The following IL3RA variants were observed in gnomAD, a reference collection of about 807,000 sequenced individuals.
IL3RA encodes the protein interleukin-3 receptor subunit alpha.
A neutral mutation model predicts 52.3 loss-of-function variants in IL3RA; 73 were observed. That is an observed-to-expected ratio of 1.40 (90% CI 1.16 to 1.70). IL3RA has a LOEUF of 1.70. Ranked by LOEUF, IL3RA falls within the 40% of genes most tolerant of loss-of-function variation. IL3RA has a pLI of 0.00. For synonymous variants in IL3RA, 260 were observed against 194.0 expected, an observed-to-expected ratio of 1.34 and a Z score of -2.83; for missense variants, 664 against 504.4, an observed-to-expected ratio of 1.32 and a Z score of -3.03.
chrX:1,340,746 G>A (rs780088662), intron 1 of IL3RA, among the ~76,000 whole-genome samples: 11 of 152,240 alleles, frequency 7.2e-5, no homozygotes, highest in Non-Finnish European at 1.0e-4. Context: ...AGCACTTGGC[G>A]AGGAAAAGGC....
At chrX:1,363,119 C>G (rs1337642177) in intron 8 of IL3RA, among the ~76,000 whole-genome samples, 3 of 137,704 alleles carry the variant, frequency 2.2e-5, no homozygotes, top group East Asian at 3.9e-4. Flanking sequence ...GCATTTAGGG[C>G]CCCCCCTGAT....
At chrX:1,344,357 C>T (rs1296703867) in intron 2 of IL3RA, among the ~76,000 whole-genome samples, 1 of 151,880 alleles carries the variant, frequency 6.6e-6, no homozygotes, top group African/African-American at 2.4e-5. Context: ...TCGCTTGAAC[C>T]CGGGAGGCGG....
intron 4 of IL3RA, among the ~76,000 whole-genome samples, chrX:1,349,851 C>T (rs1209583643): frequency 6.7e-6 from 1 of 149,758 alleles, no homozygotes; most frequent in Admixed American, 6.7e-5. Flanking sequence ...TAAGTAGAGA[C>T]GGGGCTTCAC....
chrX:1,358,165 G>C (rs1290504207), intron 7 of IL3RA, among the ~76,000 whole-genome samples: 4 of 152,138 alleles, frequency 2.6e-5, no homozygotes, highest in African/African-American at 9.6e-5. Context: ...ACTGATTTGA[G>C]GGAGCAGGCA....
At chrX:1,354,152 A>T (rs2086428895) in intron 6 of IL3RA, among the ~76,000 whole-genome samples, 1 of 151,678 alleles carries the variant, frequency 6.6e-6, no homozygotes, top group Non-Finnish European at 1.5e-5. Context: ...ATCATGGGTC[A>T]TGGGTCCCAT....
chrX:1,355,477 A>AGGAGGGGGAGGAGGG (rs1569523234), intron 6 of IL3RA, among the ~76,000 whole-genome samples: 3 of 68,216 alleles, frequency 4.4e-5, no homozygotes, highest in Non-Finnish European at 6.2e-5. Context: ...GGGGAGGAGG[A>AGGAGGGGGAGGAGGG]GGAGGGGGCC....
chrX:1,356,384 T>G (rs1296332341), intron 7 of IL3RA, 48 bp downstream of exon 7: 1 of 1,106,544 alleles, frequency 9.0e-7, no homozygotes, highest in Admixed American at 2.5e-5. Context: ...TGGACATCCC[T>G]TATTTTTGGT....
Position 1,382,667 on chromosome X carries a change from G to A in IL3RA, c.*202G>A. On this transcript the variant is annotated 3_prime_UTR_variant, in exon 12 of 12. Transcript: ENST00000331035. ...CTTTGTGTGTTTATTTCATGATAAA[G>A]TGATTTTTTTTTTTTTAACCCACTC... The A allele has an allele frequency of 1.8e-6, 1 of 555,624 alleles. No individual in the cohort carries two copies. Among genetic ancestry groups the A allele is most frequent in the Non-Finnish European group, 3.2e-6 (1 of 311,242 alleles). 34.4% of individuals were successfully genotyped at this position (555,624 alleles called of 1,614,324 possible). A position where few individuals can be genotyped will look rare whatever the true frequency, so the allele number is the denominator to read the frequency against.
chrX:1,360,905 G>C (rs868085313), intron 8 of IL3RA, among the ~76,000 whole-genome samples: 264 of 67,778 alleles, frequency 3.9e-3, no homozygotes, highest in African/African-American at 0.026. Context: ...TCCCCTCTCT[G>C]TCTCTCTCTC....
chrX:1,374,125 A>T (rs1280837561), intron 9 of IL3RA, among the ~76,000 whole-genome samples: 1 of 48,762 alleles, frequency 2.1e-5, no homozygotes, highest in East Asian at 4.3e-4. Context: ...AGGAGGAACC[A>T]GCACTGCCCA....
chrX:1,382,566 G>A lies in IL3RA; in HGVS notation c.*101G>A. 1 of 1,097,496 alleles carries A rather than the reference G, an allele frequency of 9.1e-7. No homozygotes were observed. Among genetic ancestry groups the A allele is most frequent in the Non-Finnish European group, 1.4e-6 (1 of 711,712 alleles). The allele number at this position is 1,097,496 out of a possible 1,614,324, so 68.0% of individuals were successfully genotyped here. ...GGACCTGCGCACGCAGCCCAGGAAT[G>A]GACATTCCTAACGGGTGGTGGGCAT... is the stretch of plus-strand genomic sequence containing the variant. On this transcript the variant is annotated 3_prime_UTR_variant, in exon 12 of 12. Transcript: ENST00000331035.
chrX:1,359,496 CTATCTCCCTCCCCCTCTCTG>C (rs1269143289), intron 8 of IL3RA, among the ~76,000 whole-genome samples: 1 of 140,778 alleles, frequency 7.1e-6, no homozygotes, highest in African/African-American at 2.7e-5. Flanking sequence ...TCTCTCGTCT[CTATCTCCCTCCCCCTCTCTG>C]TATCTCCCTC....
At chrX:1,362,715 T>G (rs2087551551) in intron 8 of IL3RA, among the ~76,000 whole-genome samples, 1 of 152,164 alleles carries the variant, frequency 6.6e-6, no homozygotes, top group Non-Finnish European at 1.5e-5. Context: ...GCCATATCAC[T>G]CCACTCTCTG....
chrX:1,357,917 A>G (rs1263380744), intron 7 of IL3RA, among the ~76,000 whole-genome samples: 9 of 150,474 alleles, frequency 6.0e-5, no homozygotes, highest in Non-Finnish European at 1.2e-4. Flanking sequence ...CCTGGCTAAC[A>G]TGGTAAAACC....
At chrX:1,368,620 T>C (rs1237562128) in intron 9 of IL3RA, among the ~76,000 whole-genome samples, 2 of 152,122 alleles carry the variant, frequency 1.3e-5, no homozygotes, top group Admixed American at 6.6e-5. Context: ...ATGAGGTCAT[T>C]AGGGTGGGCC....
At chrX:1,346,674 A>T (rs1341899612) in intron 3 of IL3RA, among the ~76,000 whole-genome samples, 1 of 149,588 alleles carries the variant, frequency 6.7e-6, no homozygotes, top group Non-Finnish European at 1.5e-5. Context: ...GGTCCTCATC[A>T]CGAAATCCTT....
At chrX:1,377,131 GGAGA>G (rs1407232414) in intron 9 of IL3RA, among the ~76,000 whole-genome samples, 2 of 152,082 alleles carry the variant, frequency 1.3e-5, no homozygotes, top group Non-Finnish European at 2.9e-5. Context: ...TCCAAGCCCA[GGAGA>G]GAGGCCTCAG....
intron 8 of IL3RA, among the ~76,000 whole-genome samples, chrX:1,359,118 G>A (rs1227961105): frequency 6.6e-6 from 1 of 151,972 alleles, no homozygotes; most frequent in African/African-American, 2.4e-5. Context: ...TCCCCAAATT[G>A]AGGGATGGGA....
At chrX:1,360,043 CTG>C (rs1427782251) in intron 8 of IL3RA, among the ~76,000 whole-genome samples, 5 of 120,830 alleles carry the variant, frequency 4.1e-5, no homozygotes, top group Middle Eastern at 5.2e-3. Context: ...CTCTCTCTCT[CTG>C]TCTGTCTCTG....
Sources: gnomAD v4.1 joint callset for allele counts (sites outside exome capture counted in the v4.1 genomes callset) on GRCh38, gnomAD v4.1.1 for gene constraint, MANE v1.5 for transcripts, NCBI Gene and HGNC (gene_info 2026-07-23, HGNC 2026-07-21) for gene names.